The following ARAP2 variants were observed in gnomAD, a reference collection of about 807,000 sequenced individuals.
The protein encoded by ARAP2 is ArfGAP with RhoGAP domain, ankyrin repeat and PH domain 2.
Under a neutral mutation model 194.5 loss-of-function variants are expected in ARAP2, and 148 were observed. The ratio of observed to expected loss-of-function variants is 0.76; its 90% CI spans 0.67 to 0.87. The LOEUF (loss-of-function observed/expected upper bound fraction) is 0.87. ARAP2 is among the 40% of genes least tolerant of loss of function. The pLI is 0.00. For missense variants in ARAP2, 2,128 were observed against 1,989.7 expected (o/e 1.07, Z -1.32); for synonymous variants, 695 against 683.5 (o/e 1.02, Z -0.26).
At chr4:36,139,535 C>T (rs1259979823) in intron 19 of ARAP2, among the ~76,000 whole-genome samples, 1 of 151,558 alleles carries the variant, frequency 6.6e-6, no homozygotes, top group Admixed American at 6.6e-5. Context: ...TTCATTCTTT[C>T]TACTGTCTGT....
At chr4:36,122,540 C>T (rs530520651) in intron 22 of ARAP2, among the ~76,000 whole-genome samples, 3 of 151,940 alleles carry the variant, frequency 2.0e-5, no homozygotes, top group South Asian at 4.1e-4. Flanking sequence ...TGTATATTCT[C>T]ACTTATAAGT....
chr4:36,229,059 T>A lies in ARAP2; in HGVS notation c.428A>T (p.Asp143Val), dbSNP rs1750926675. The A allele has an allele frequency of 1.9e-6, 3 of 1,614,112 alleles. No homozygotes were observed. The highest frequency in any genetic ancestry group is 1.7e-6 in the Non-Finnish European group (2 of 1,180,002). ...SVERSQYPQS[D>V]DKLSPPKRDF... ...GCGTTTAGGAGGAGACAGCTTATCA[T>A]CTGATTGAGGATACTGGCTTCTTTC... Residue 143 changes from aspartate (D) to valine (V), a missense_variant, in exon 2 of 33, where the codon GAT becomes GTT. By Grantham distance (152) the Asp-to-Val change is radical. Transcript: ENST00000303965.
intron 9 of ARAP2, 25 bp downstream of exon 9, chr4:36,177,802 T>C (rs770282255): frequency 1.3e-6 from 2 of 1,526,270 alleles, no homozygotes; most frequent in South Asian, 1.3e-5. Context: ...TAGCAGCAAT[T>C]TGCAATGACT....
intron 1 of ARAP2, among the ~76,000 whole-genome samples, chr4:36,230,904 G>A (rs998658075): frequency 6.6e-6 from 1 of 152,154 alleles, no homozygotes; most frequent in Non-Finnish European, 1.5e-5. Context: ...GGATAAAAGG[G>A]AAAGAGTATA....
chr4:36,007,145 C>CAA (rs912555033), intron 9 of ARAP2: 2 of 152,112 alleles, frequency 1.3e-5, no homozygotes, highest in African/African-American at 4.8e-5. Context: ...GGAACCATGT[C>CAA]AAAGTAAAAT....
chr4:36,104,565 T>C (rs1717875707), intron 27 of ARAP2, among the ~76,000 whole-genome samples: 1 of 151,958 alleles, frequency 6.6e-6, no homozygotes, highest in South Asian at 2.1e-4. Context: ...GAGGTATTAA[T>C]AAAGTTGAGG....
rs935767861 is a variant in ARAP2, at chr4:36,066,138, G to C, written c.*1769C>G. ...AACAGCTATTAGAGTTTAAGCTCAA[G>C]TTTCAAGAAGAATTCAGATAAGGCA... On this transcript the variant is annotated 3_prime_UTR_variant, in exon 33 of 33. Transcript: ENST00000303965. The C allele has an allele frequency of 6.6e-6, 1 of 152,126 alleles. No homozygotes were observed. Among genetic ancestry groups the C allele is most frequent in the African/African-American group, 2.4e-5 (1 of 41,426 alleles). The allele number at this position is 152,126 out of a possible 1,614,324, so 9.4% of individuals were successfully genotyped here. A position where few individuals can be genotyped will look rare whatever the true frequency, so the allele number is the denominator to read the frequency against.
intron 1 of ARAP2, among the ~76,000 whole-genome samples, chr4:36,237,300 C>T (rs1262333551): frequency 6.6e-6 from 1 of 152,188 alleles, no homozygotes; most frequent in Non-Finnish European, 1.5e-5. Flanking sequence ...TGGACGTCTC[C>T]ATATGGACAA....
intron 27 of ARAP2, among the ~76,000 whole-genome samples, chr4:36,105,276 C>T (rs189047540): frequency 7.9e-5 from 12 of 152,084 alleles, no homozygotes; most frequent in Admixed American, 2.6e-4. Flanking sequence ...GCTGAGATCA[C>T]GCCACCGGTG....
intron 5 of ARAP2, among the ~76,000 whole-genome samples, chr4:36,019,486 G>A (rs1333296863): frequency 6.7e-6 from 1 of 149,002 alleles, no homozygotes; most frequent in Non-Finnish European, 1.5e-5. Context: ...TGATACTCGC[G>A]ATGATGGAAG....
Position 36,244,419 on chromosome 4 carries a change from CGG to C in ARAP2, c.-402_-401del, listed in dbSNP as rs1297709181. The stretch of plus-strand genomic sequence containing the variant: ...CCGCCGCACCTGGAGGCGGGGAGCG[CGG>C]GCCGCGGACCCGCGCTCAGCTCCGG... On this transcript the variant is annotated 5_prime_UTR_variant, in exon 1 of 33. Transcript: ENST00000303965. The C allele has an allele frequency of 4.4e-4, 66 of 149,952 alleles. No individual in the cohort carries two copies. Among genetic ancestry groups the C allele is most frequent in the Admixed American group, 1.4e-3 (21 of 15,096 alleles). 9.3% of individuals were successfully genotyped at this position (149,952 alleles called of 1,614,324 possible).
intron 5 of ARAP2, among the ~76,000 whole-genome samples, chr4:36,037,960 A>C (rs1433899437): frequency 6.6e-6 from 1 of 152,176 alleles, no homozygotes; most frequent in East Asian, 1.9e-4. Flanking sequence ...CTAGTCAATG[A>C]AACAGATTAT....
chr4:36,120,019 G>T (rs1722311548), intron 23 of ARAP2, among the ~76,000 whole-genome samples: 1 of 151,496 alleles, frequency 6.6e-6, no homozygotes, highest in Non-Finnish European at 1.5e-5. Flanking sequence ...TATGTAGGTT[G>T]AGAAACAAAG....
intron 5 of ARAP2, among the ~76,000 whole-genome samples, chr4:36,038,262 A>G (rs1720270785): frequency 6.6e-6 from 1 of 152,184 alleles, no homozygotes; most frequent in African/African-American, 2.4e-5. Flanking sequence ...TTTATGCCAA[A>G]TATTTTTTCT....
At chr4:36,174,139 C>T (rs564540479) in intron 9 of ARAP2, among the ~76,000 whole-genome samples, 3 of 152,334 alleles carry the variant, frequency 2.0e-5, no homozygotes, top group Admixed American at 2.0e-4. Flanking sequence ...AAGATGCCCC[C>T]TGCATGTGTC....
At chr4:36,208,839 G>A (rs1192699993) in intron 6 of ARAP2, among the ~76,000 whole-genome samples, 1 of 151,818 alleles carries the variant, frequency 6.6e-6, no homozygotes, top group African/African-American at 2.4e-5. Flanking sequence ...GGGGTGGGGT[G>A]GGGGGAGCTT....
intron 8 of ARAP2, among the ~76,000 whole-genome samples, chr4:36,014,623 T>A (rs951803269): frequency 2.0e-5 from 3 of 152,196 alleles, no homozygotes; most frequent in African/African-American, 7.2e-5. Context: ...TTTCTATACG[T>A]CAGCAAGAAC....
chr4:36,187,402 G>T, intron 8 of ARAP2, 49 bp downstream of exon 8: 2 of 1,052,984 alleles, frequency 1.9e-6, no homozygotes, highest in South Asian at 2.8e-5. Context: ...TTATTAATAT[G>T]ATTAGTCAGA....
In ARAP2 at chr4:36,133,316, T is replaced by C; in HGVS notation, c.3337A>G (p.Thr1113Ala). 1 of 1,611,458 alleles carries C rather than the reference T, an allele frequency of 6.2e-7. No homozygotes were observed. Among genetic ancestry groups the C allele is most frequent in the South Asian group, 1.1e-5 (1 of 91,026 alleles). The change falls in exon 20 of 33, where the codon ACA becomes GCA. Residue 1113 changes from threonine (T) to alanine (A), a missense_variant. Thr to Ala is a moderately conservative substitution (Grantham distance 58). Coordinates refer to ENST00000303965, the MANE Select transcript of ARAP2 (RefSeq NM_015230.4). ...WHTAIEKAAG[T>A]DGNALQDQQL... ...TGATCTTGTAAAGCATTACCATCTG[T>C]ACCTGCTGCTTTTTCAATTGCAGTA...
Sources: gnomAD v4.1 joint callset for allele counts (sites outside exome capture counted in the v4.1 genomes callset) on GRCh38, gnomAD v4.1.1 for gene constraint, MANE v1.5 for transcripts, NCBI Gene and HGNC (gene_info 2026-07-23, HGNC 2026-07-21) for gene names.